KCNIP4: variants seen among roughly 807,000 people sequenced by gnomAD.
The protein encoded by KCNIP4 is Kv channel-interacting protein 4.
KCNIP4 carries 12 observed loss-of-function variants against 34.0 expected under a neutral mutation model. The ratio of observed to expected loss-of-function variants is 0.35; its 90% CI spans 0.23 to 0.57. The LOEUF (loss-of-function observed/expected upper bound fraction) is 0.57. Ranked by LOEUF, KCNIP4 falls within the 20% of genes least tolerant of loss-of-function variation. The pLI, the probability that KCNIP4 is intolerant of heterozygous loss-of-function variation, is 0.83. For missense variants in KCNIP4, 238 were observed against 311.7 expected (o/e 0.76, Z 1.78); for synonymous variants, 124 against 102.2 (o/e 1.21, Z -1.29).
At chr4:21,060,468 A>G (rs1431756561) in intron 1 of KCNIP4, among the ~76,000 whole-genome samples, 2 of 152,194 alleles carry the variant, frequency 1.3e-5, no homozygotes, top group African/African-American at 2.4e-5. Flanking sequence ...ATAGAAGGCC[A>G]TTGCATTCCT....
At chr4:21,920,906 G>A (rs1728904546) in intron 1 of KCNIP4, among the ~76,000 whole-genome samples, 1 of 150,138 alleles carries the variant, frequency 6.7e-6, no homozygotes, top group African/African-American at 2.5e-5. Context: ...CCTAGAAGCT[G>A]TCTAGTTCTA....
intron 1 of KCNIP4, among the ~76,000 whole-genome samples, chr4:21,652,935 GA>G (rs1747621143): frequency 6.6e-6 from 1 of 152,194 alleles, no homozygotes; most frequent in Non-Finnish European, 1.5e-5. Context: ...GGGCAACAGA[GA>G]AAGGTTTCCA....
chr4:20,898,112 A>C (rs1726761115), intron 1 of KCNIP4, among the ~76,000 whole-genome samples: 1 of 152,080 alleles, frequency 6.6e-6, no homozygotes. Context: ...TGGGGCTTCC[A>C]TCTTCTCCTG....
intron 1 of KCNIP4, among the ~76,000 whole-genome samples, chr4:21,621,125 G>A (rs1484116628): frequency 6.6e-6 from 1 of 152,128 alleles, no homozygotes; most frequent in Non-Finnish European, 1.5e-5. Context: ...AATAAATAGG[G>A]AGTTTTGAGG....
intron 1 of KCNIP4, among the ~76,000 whole-genome samples, chr4:21,864,274 C>T (rs1271332596): frequency 6.6e-6 from 1 of 152,092 alleles, no homozygotes; most frequent in Non-Finnish European, 1.5e-5. Flanking sequence ...TATTCTCAAA[C>T]GTTTATAAGC....
At chr4:21,246,510 T>C (rs867190787) in intron 1 of KCNIP4, among the ~76,000 whole-genome samples, 15 of 152,210 alleles carry the variant, frequency 9.9e-5, no homozygotes, top group African/African-American at 3.4e-4. Context: ...CCTAAATCAC[T>C]GAAGAACCAT....
rs1728358909 is a variant in KCNIP4 at position 21,911,936 on chromosome 4, A to T, written c.61+36635T>A. Among the ~76,000 whole-genome samples the T allele has an allele frequency of 2.0e-5, 3 of 152,026 alleles. No individual in the cohort carries two copies. In the South Asian group the frequency reaches 6.2e-4, roughly 32 times the overall value. ...AGATACTAATACATACTTTCATGTC[A>T]CTAATTCTACAACATTTGCAAAGCA... On this transcript the variant is annotated intron_variant, in intron 1 of 8. Transcript: ENST00000382152.
chr4:21,459,100 T>C (rs534190521), intron 1 of KCNIP4, among the ~76,000 whole-genome samples: 45 of 152,158 alleles, frequency 3.0e-4, no homozygotes, highest in African/African-American at 1.0e-3. Context: ...CTTTTCTCAT[T>C]TTCCCTCCAG....
At chr4:20,773,313 G>A (rs1292181579) in intron 3 of KCNIP4, among the ~76,000 whole-genome samples, 1 of 152,176 alleles carries the variant, frequency 6.6e-6, no homozygotes, top group Non-Finnish European at 1.5e-5. Context: ...TTCTCCTAGT[G>A]CTTCTTCAGA....
At chr4:21,207,993 C>T (rs965167111) in intron 1 of KCNIP4, among the ~76,000 whole-genome samples, 2 of 151,826 alleles carry the variant, frequency 1.3e-5, no homozygotes. Context: ...TAGGTGTACG[C>T]CACCAGGCCC....
chr4:20,974,766 C>G (rs1735319448), intron 1 of KCNIP4, among the ~76,000 whole-genome samples: 1 of 152,008 alleles, frequency 6.6e-6, no homozygotes, highest in African/African-American at 2.4e-5. Flanking sequence ...ATATATAAAC[C>G]CAATGTAGCC....
intron 1 of KCNIP4, among the ~76,000 whole-genome samples, chr4:21,468,203 A>C (rs6847007): frequency 0.16 from 23,903 of 151,772 alleles, 2,068 homozygotes; most frequent in Admixed American, 0.22. Context: ...GATGAAGGAG[A>C]ATGATCACAT....
chr4:21,208,032 G>A (rs553305530), intron 1 of KCNIP4, among the ~76,000 whole-genome samples: 14 of 151,500 alleles, frequency 9.2e-5, no homozygotes, highest in Non-Finnish European at 1.5e-4. Context: ...TTGTAGATAC[G>A]GGGTTGTGCC....
At chr4:21,362,087 G>C (rs1719292846) in intron 1 of KCNIP4, among the ~76,000 whole-genome samples, 1 of 152,088 alleles carries the variant, frequency 6.6e-6, no homozygotes, top group South Asian at 2.1e-4. Flanking sequence ...GGAGAAGGCT[G>C]GGATATGCTC....
intron 1 of KCNIP4, among the ~76,000 whole-genome samples, chr4:21,893,159 C>T (rs1310323747): frequency 6.6e-6 from 1 of 151,952 alleles, no homozygotes; most frequent in Non-Finnish European, 1.5e-5. Flanking sequence ...CACCCAGAAG[C>T]AAAAATTGTG....
chr4:21,202,977 C>T (rs903580946), intron 1 of KCNIP4, among the ~76,000 whole-genome samples: 1 of 152,226 alleles, frequency 6.6e-6, no homozygotes, highest in African/African-American at 2.4e-5. Flanking sequence ...TCCTTGCATA[C>T]ATATCTATGC....
At chr4:21,381,866 C>T (rs1022238826) in intron 1 of KCNIP4, among the ~76,000 whole-genome samples, 5 of 152,164 alleles carry the variant, frequency 3.3e-5, no homozygotes, top group African/African-American at 1.2e-4. Context: ...GCAGTGAGCG[C>T]AAAGAGACCC....
chr4:21,157,799 T>G (rs996766369), intron 1 of KCNIP4, among the ~76,000 whole-genome samples: 3 of 151,390 alleles, frequency 2.0e-5, no homozygotes, highest in African/African-American at 7.3e-5. Flanking sequence ...GTAAATTAAA[T>G]CCCCTGTAAG....
At chr4:21,411,377 C>T (rs1351025692) in intron 1 of KCNIP4, among the ~76,000 whole-genome samples, 1 of 152,114 alleles carries the variant, frequency 6.6e-6, no homozygotes, top group Non-Finnish European at 1.5e-5. Context: ...ACCCTGGAAT[C>T]AATAATGATG....
Sources: allele counts gnomAD v4.1 joint callset (sites outside exome capture counted in the v4.1 genomes callset), GRCh38; gene constraint gnomAD v4.1.1; transcripts MANE v1.5; gene names NCBI Gene and HGNC (gene_info 2026-07-23, HGNC 2026-07-21).